RAF1: variants seen among roughly 807,000 people sequenced by gnomAD.
RAF1 encodes the protein Raf-1 proto-oncogene, serine/threonine kinase.
In RAF1, 27 loss-of-function variants were observed where a neutral mutation model predicts 81.1. The observed-to-expected ratio is 0.33, with a 90% CI of 0.25 to 0.46. The LOEUF (loss-of-function observed/expected upper bound fraction) is 0.46. RAF1 is among the 20% of genes least tolerant of loss of function. The probability of loss-of-function intolerance (pLI) is 1.00; values close to 1 mark genes in which losing one functional copy is unlikely to be tolerated. For synonymous variants in RAF1, 298 were observed against 294.0 expected (o/e 1.01, Z -0.14); for missense variants, 598 against 826.0 (o/e 0.72, Z 3.38).
At chr3:12,638,853 C>T (rs560136023) in intron 1 of RAF1, among the ~76,000 whole-genome samples, 6 of 152,142 alleles carry the variant, frequency 3.9e-5, no homozygotes, top group Admixed American at 2.0e-4. Context: ...CTGGCCAACA[C>T]GGCCTAAAAA....
chr3:12,654,580 C>T (rs1291336126), intron 1 of RAF1, among the ~76,000 whole-genome samples: 3 of 150,598 alleles, frequency 2.0e-5, no homozygotes, highest in African/African-American at 7.3e-5. Context: ...CCAGCCTGGG[C>T]AATGGAGTGA....
At chr3:12,642,053 C>T (rs146930244) in intron 1 of RAF1, among the ~76,000 whole-genome samples, 1 of 151,984 alleles carries the variant, frequency 6.6e-6, no homozygotes, top group African/African-American at 2.4e-5. Flanking sequence ...GACGCTGAGG[C>T]AGAAGAATTG....
chr3:12,616,364 T>A (rs1459023406), intron 2 of RAF1, among the ~76,000 whole-genome samples: 2 of 152,180 alleles, frequency 1.3e-5, no homozygotes, highest in Non-Finnish European at 2.9e-5. Context: ...CAGCTTCTCA[T>A]AACACACACT....
At chr3:12,610,457 C>A (rs962261427) in intron 3 of RAF1, among the ~76,000 whole-genome samples, 3 of 152,164 alleles carry the variant, frequency 2.0e-5, no homozygotes, top group African/African-American at 7.2e-5. Context: ...GTCCTAGAGA[C>A]TCCAGAGTAG....
chr3:12,640,271 G>A (rs1462435008), intron 1 of RAF1, among the ~76,000 whole-genome samples: 4 of 152,078 alleles, frequency 2.6e-5, no homozygotes, highest in Non-Finnish European at 5.9e-5. Context: ...AACCCTACAA[G>A]AAAACCTAGG....
chr3:12,624,153 C>A (rs556490155), intron 1 of RAF1, among the ~76,000 whole-genome samples: 1 of 152,216 alleles, frequency 6.6e-6, no homozygotes, highest in Non-Finnish European at 1.5e-5. Context: ...TGCACCCGGC[C>A]TTCCTAACCA....
At position 12,603,198 on chromosome 3, in the gene RAF1, G is replaced by A. The variant is rs547799236; in HGVS notation, c.894+280C>T. 2.0e-5 allele frequency among the ~76,000 whole-genome samples: 3 copies of A among 152,160 alleles called. No individual in the cohort carries two copies. The East Asian group carries it at 5.8e-4, about 29-fold the overall frequency. ...CAGTGATCCTCCTGCCTTAGCCTCT[G>A]GAGTAGCTGGGACAACAGACATACA... On this transcript the variant is annotated intron_variant, in intron 8 of 17. Transcript: ENST00000442415.
chr3:12,641,051 G>C (rs1035746819), intron 1 of RAF1, among the ~76,000 whole-genome samples: 3 of 152,038 alleles, frequency 2.0e-5, no homozygotes, highest in Admixed American at 2.0e-4. Flanking sequence ...GGATGAGTTC[G>C]TGTCCTTTGT....
chr3:12,597,966 C>A (rs2058735039), intron 11 of RAF1, among the ~76,000 whole-genome samples: 1 of 147,984 alleles, frequency 6.8e-6, no homozygotes, highest in Non-Finnish European at 1.5e-5. Context: ...CTCTGGGACC[C>A]AGGAGACAGC....
At chr3:12,628,399 C>T (rs1023378492) in intron 1 of RAF1, among the ~76,000 whole-genome samples, 3 of 152,084 alleles carry the variant, frequency 2.0e-5, no homozygotes, top group Admixed American at 1.3e-4. Flanking sequence ...TGGTGGCATG[C>T]ACCTGTAGCC....
chr3:12,637,714 G>A (rs1028911786), intron 1 of RAF1, among the ~76,000 whole-genome samples: 2 of 151,758 alleles, frequency 1.3e-5, no homozygotes, highest in Non-Finnish European at 2.9e-5. Flanking sequence ...TCAGCCAGGT[G>A]TAGTGGCACA....
At chr3:12,633,633 TAA>T (rs34440484) in intron 1 of RAF1, among the ~76,000 whole-genome samples, 60,195 of 146,504 alleles carry the variant, frequency 0.41, 13,170 homozygotes, top group East Asian at 0.89. Context: ...CTTTTACAGT[TAA>T]AAAAAAAAAA....
intron 1 of RAF1, among the ~76,000 whole-genome samples, chr3:12,628,585 G>A (rs914654398): frequency 6.6e-6 from 1 of 151,918 alleles, no homozygotes; most frequent in African/African-American, 2.4e-5. Context: ...GTGTTAATAA[G>A]AAAAAAATCT....
At chr3:12,628,287 T>C (rs2059765321) in intron 1 of RAF1, among the ~76,000 whole-genome samples, 1 of 152,066 alleles carries the variant, frequency 6.6e-6, no homozygotes, top group Non-Finnish European at 1.5e-5. Context: ...TCCCTGCACT[T>C]TGGGAGACCA....
intron 2 of RAF1, 56 bp from the exon 3 acceptor site, chr3:12,612,118 G>A: frequency 7.3e-7 from 1 of 1,375,228 alleles, no homozygotes; most frequent in Non-Finnish European, 1.0e-6. Flanking sequence ...CCCTTGGAAA[G>A]GTGGGCACAG....
chr3:12,637,551 T>C (rs2060066566), intron 1 of RAF1, among the ~76,000 whole-genome samples: 1 of 152,024 alleles, frequency 6.6e-6, no homozygotes, highest in Non-Finnish European at 1.5e-5. Context: ...ATCTGTCCTC[T>C]ATGGAGCACA....
At chr3:12,649,805 G>C (rs1170608511) in intron 1 of RAF1, among the ~76,000 whole-genome samples, 1 of 152,060 alleles carries the variant, frequency 6.6e-6, no homozygotes, top group Non-Finnish European at 1.5e-5. Context: ...TTCCAGATCA[G>C]CCTGGGCAAC....
At chr3:12,662,695 C>G (rs2060917316) in intron 1 of RAF1, among the ~76,000 whole-genome samples, 1 of 152,078 alleles carries the variant, frequency 6.6e-6, no homozygotes, top group Non-Finnish European at 1.5e-5. Flanking sequence ...GTTCCCTGAG[C>G]TCCTCCTCAC....
At chr3:12,593,521 T>C (rs1416893410) in intron 11 of RAF1, among the ~76,000 whole-genome samples, 3 of 152,184 alleles carry the variant, frequency 2.0e-5, no homozygotes, top group African/African-American at 7.2e-5. Context: ...CCAAAGTGGC[T>C]CTCATCCAGT....
Sources: gnomAD v4.1 joint callset for allele counts (sites outside exome capture counted in the v4.1 genomes callset) on GRCh38, gnomAD v4.1.1 for gene constraint, MANE v1.5 for transcripts, NCBI Gene and HGNC (gene_info 2026-07-23, HGNC 2026-07-21) for gene names.